The following CLVS1 variants were observed in gnomAD, a reference collection of about 807,000 sequenced individuals.
The protein encoded by CLVS1 is clavesin 1, also known as clavesin-1.
Under a neutral mutation model 33.1 loss-of-function variants are expected in CLVS1, and 10 were observed. The observed-to-expected ratio is 0.30, with a 90% CI of 0.19 to 0.51. The LOEUF is 0.51. Among genes scored for constraint, CLVS1 ranks in the 20% least tolerant of loss-of-function variants. The pLI is 0.97. For missense variants in CLVS1, 343 were observed against 433.4 expected (o/e 0.79, Z 1.85); for synonymous variants, 163 against 166.1 (o/e 0.98, Z 0.14).
the CLVS1 span, among the ~76,000 whole-genome samples, chr8:61,002,760 G>C: frequency 2.6e-5 from 4 of 152,222 alleles, no homozygotes. Flanking sequence ...CCATGGTTGG[G>C]AAAGAGAGAA....
At chr8:61,222,989 C>CAA (rs35292392) in intron 2 of CLVS1, among the ~76,000 whole-genome samples, 22 of 141,770 alleles carry the variant, frequency 1.6e-4, no homozygotes, top group South Asian at 2.2e-4. Flanking sequence ...ACTAGGATTG[C>CAA]AAAAAAAAAG....
chr8:61,087,812 G>T (rs962873425), intron 1 of CLVS1, among the ~76,000 whole-genome samples: 1 of 152,056 alleles, frequency 6.6e-6, no homozygotes, highest in Non-Finnish European at 1.5e-5. Context: ...TGAATGCTGG[G>T]TACACTTAAA....
At chr8:60,982,814 G>A in the CLVS1 span, among the ~76,000 whole-genome samples, 2 of 152,176 alleles carry the variant, frequency 1.3e-5, no homozygotes, top group African/African-American at 4.8e-5. Flanking sequence ...GCTCATGCCT[G>A]TAATCCCCAG....
intron 2 of CLVS1, among the ~76,000 whole-genome samples, chr8:61,324,858 A>G (rs1811321792): frequency 6.6e-6 from 1 of 152,114 alleles, no homozygotes; most frequent in South Asian, 2.1e-4. Flanking sequence ...CAAGCAGAGA[A>G]CAGTAATTCT....
Position 61,414,363 on chromosome 8 carries a change from A to G in CLVS1, c.630+37584A>G, listed in dbSNP as rs181208007. Among the ~76,000 whole-genome samples the G allele has an allele frequency of 3.3e-5, 5 of 151,940 alleles. No individual in the cohort carries two copies. In the East Asian group the frequency reaches 5.8e-4, roughly 18 times the overall value. On this transcript the variant is annotated intron_variant, in intron 3 of 5. Transcript: ENST00000325897. ...AAATAGGTTATTAAAGATGAAGAAG[A>G]CAGAAAAGGGCACTGCAGCTTCACT...
At chr8:61,114,855 C>T (rs1805689298) in intron 1 of CLVS1, among the ~76,000 whole-genome samples, 1 of 152,016 alleles carries the variant, frequency 6.6e-6, no homozygotes, top group South Asian at 2.1e-4. Context: ...TTTTTGAAAA[C>T]CCAAACAAAA....
At chr8:61,251,414 G>A (rs1808945484) in intron 2 of CLVS1, among the ~76,000 whole-genome samples, 1 of 152,188 alleles carries the variant, frequency 6.6e-6, no homozygotes, top group Non-Finnish European at 1.5e-5. Context: ...GTATTAGGAT[G>A]ATACTGGCCT....
chr8:60,975,586 A>G, the CLVS1 span, among the ~76,000 whole-genome samples: 2 of 152,168 alleles, frequency 1.3e-5, no homozygotes, highest in Non-Finnish European at 2.9e-5. Context: ...GAGGCAAGGC[A>G]GTATCTGGAG....
At chr8:61,440,265 A>C (rs966676065) in intron 3 of CLVS1, among the ~76,000 whole-genome samples, 3 of 152,394 alleles carry the variant, frequency 2.0e-5, no homozygotes, top group Admixed American at 6.5e-5. Flanking sequence ...AATGTTATCA[A>C]GAGCATTACA....
At chr8:61,456,119 C>T (rs1337778548) in intron 4 of CLVS1, among the ~76,000 whole-genome samples, 2 of 152,188 alleles carry the variant, frequency 1.3e-5, no homozygotes, top group East Asian at 3.9e-4. Context: ...ACGGTGGACA[C>T]TTGCTGCCAT....
chr8:61,304,583 C>A (rs111549703), intron 2 of CLVS1, among the ~76,000 whole-genome samples: 1 of 152,190 alleles, frequency 6.6e-6, no homozygotes, highest in Non-Finnish European at 1.5e-5. Context: ...CACTGCTGGT[C>A]GATGAGCCCT....
intron 2 of CLVS1, among the ~76,000 whole-genome samples, chr8:61,218,557 C>T (rs1257808580): frequency 1.3e-5 from 2 of 151,480 alleles, no homozygotes; most frequent in Non-Finnish European, 2.9e-5. Context: ...ACAAAATTAC[C>T]CTGATCTGAT....
Position 61,299,725 on chromosome 8 carries a change from T to C in CLVS1, c.-103T>C. ...TCTGTTTTGGATGAACACCACCACA[T>C]AGGGCCTGAATGTGAAAGAAGACCC... On this transcript the variant is annotated 5_prime_UTR_variant, in exon 2 of 6. It removes the in-frame stop codon of an upstream open reading frame in the 5' UTR. Coordinates refer to ENST00000325897, the MANE Select transcript of CLVS1 (RefSeq NM_173519.3). 1 of 803,386 alleles carries C rather than the reference T, an allele frequency of 1.2e-6. No individual in the cohort carries two copies. The allele number at this position is 803,386 out of a possible 1,614,324, so 49.8% of individuals were successfully genotyped here. A position where few individuals can be genotyped will look rare whatever the true frequency, so the allele number is the denominator to read the frequency against.
chr8:61,071,697 G>A (rs1308266063), intron 1 of CLVS1, among the ~76,000 whole-genome samples: 1 of 152,102 alleles, frequency 6.6e-6, no homozygotes, highest in Non-Finnish European at 1.5e-5. Context: ...AATTTCACCT[G>A]CCCTTTTCCT....
chr8:61,224,243 G>A (rs912661162), intron 2 of CLVS1, among the ~76,000 whole-genome samples: 23 of 152,142 alleles, frequency 1.5e-4, no homozygotes, highest in Middle Eastern at 3.2e-3. Flanking sequence ...GGAGGAAAGA[G>A]GCACTCTGGC....
intron 1 of CLVS1, among the ~76,000 whole-genome samples, chr8:61,109,986 A>G (rs1361365756): frequency 6.6e-6 from 1 of 152,222 alleles, no homozygotes; most frequent in Non-Finnish European, 1.5e-5. Context: ...ACCCAGTGCC[A>G]GGTAGTTTAT....
At chr8:61,199,294 GA>G (rs1240832634) in intron 2 of CLVS1, among the ~76,000 whole-genome samples, 2 of 152,128 alleles carry the variant, frequency 1.3e-5, no homozygotes, top group African/African-American at 4.8e-5. Context: ...CACAGCAGAA[GA>G]AATAATCAAC....
At chr8:61,073,237 C>A (rs1231308339) in intron 1 of CLVS1, among the ~76,000 whole-genome samples, 1 of 152,164 alleles carries the variant, frequency 6.6e-6, no homozygotes, top group Admixed American at 6.5e-5. Context: ...GATACTAGAA[C>A]AATTATCTAT....
upstream of CLVS1, among the ~76,000 whole-genome samples, chr8:61,285,039 C>G (rs919402329): frequency 2.0e-5 from 3 of 152,108 alleles, no homozygotes; most frequent in Non-Finnish European, 4.4e-5. Flanking sequence ...AGTTGCGCCT[C>G]TAAGGTCTTC....
Sources: gnomAD v4.1 joint callset for allele counts (sites outside exome capture counted in the v4.1 genomes callset) on GRCh38, gnomAD v4.1.1 for gene constraint, MANE v1.5 for transcripts, NCBI Gene and HGNC (gene_info 2026-07-23, HGNC 2026-07-21) for gene names.